ZBTB38: variants seen among roughly 807,000 people sequenced by gnomAD.
The protein encoded by ZBTB38 is zinc finger and BTB domain-containing protein 38.
ZBTB38 carries 20 observed loss-of-function variants against 76.8 expected under a neutral mutation model. The ratio of observed to expected loss-of-function variants is 0.26; its 90% CI spans 0.18 to 0.38. The LOEUF (loss-of-function observed/expected upper bound fraction) is 0.38. ZBTB38 is among the 10% of genes least tolerant of loss of function. The pLI is 1.00. For synonymous variants in ZBTB38, 504 were observed against 544.2 expected (o/e 0.93, Z 1.03); for missense variants, 1,082 against 1,482.3 (o/e 0.73, Z 4.43).
chr3:141,343,696 A>G (rs1943262590), intron 1 of ZBTB38, among the ~76,000 whole-genome samples: 2 of 152,206 alleles, frequency 1.3e-5, no homozygotes, highest in Non-Finnish European at 2.9e-5. Flanking sequence ...CAATATCTTG[A>G]GCAATCTTAA....
chr3:141,439,097 C>T (rs1033861574), intron 5 of ZBTB38, among the ~76,000 whole-genome samples: 1 of 151,574 alleles, frequency 6.6e-6, no homozygotes. Flanking sequence ...ACATTTTATA[C>T]TTATCTCCAG....
rs2080468355 is a variant in ZBTB38, at chr3:141,442,348, C to T, written c.1-41C>T. Reference sequence around the variant, plus strand: ...AATAGTCTAGAGATAAAGAAGCCACCTGTGGAAGATTATCTGACCATTTCT... The same window carrying T: ...AATAGTCTAGAGATAAAGAAGCCACTTGTGGAAGATTATCTGACCATTTCT... On this transcript the variant is annotated intron_variant, in intron 5 of 5. Coordinates refer to ENST00000321464, the MANE Select transcript of ZBTB38 (RefSeq NM_001376113.1). The surrounding 1 kb of genome is among the most constrained non-coding windows in gnomAD (Gnocchi z 6.4). The T allele has an allele frequency of 6.9e-7, 1 of 1,459,698 alleles. No homozygotes were observed. Among genetic ancestry groups the T allele is most frequent in the African/African-American group, 1.4e-5 (1 of 70,448 alleles). 90.4% of individuals were successfully genotyped at this position (1,459,698 alleles called of 1,614,324 possible).
chr3:141,445,009 C>T lies in ZBTB38; in HGVS notation c.2621C>T (p.Pro874Leu), dbSNP rs770126796. The T allele has an allele frequency of 6.8e-6, 11 of 1,613,998 alleles. No individual in the cohort carries two copies. ...CCCAAGTATCAGATGCAGGAGGAGC[C>T]TTTGCCACAGGGGAATGACCCAGAA... The part of the protein sequence containing the change: ...RRPKYQMQEE[P>L]LPQGNDPEPS... The change falls in exon 6 of 6, where the codon CCT (proline) becomes CTT (leucine). Residue 874 changes from proline (P) to leucine (L), a missense_variant. Coordinates refer to ENST00000321464, the MANE Select transcript of ZBTB38 (RefSeq NM_001376113.1). This position sits in a 1 kb window ranked among gnomAD's most constrained non-coding sequence, Gnocchi z 6.5.
rs1446453060 is a variant in ZBTB38, at chr3:141,448,018, C to T, written c.*2042C>T. The T allele has an allele frequency of 6.6e-6, 1 of 152,494 alleles. No homozygotes were observed. The highest frequency in any genetic ancestry group is 1.5e-5 in the Non-Finnish European group (1 of 67,996). 9.4% of individuals were successfully genotyped at this position (152,494 alleles called of 1,614,324 possible). A position where few individuals can be genotyped will look rare whatever the true frequency, so the allele number is the denominator to read the frequency against. On this transcript the variant is annotated 3_prime_UTR_variant, in exon 6 of 6. Transcript: ENST00000321464. ...TAAAGAGATAGTCACAAAGGGCTTA[C>T]GAAAATCATTTTTGAATTGATAATT...
chr3:141,446,039 T>C lies in ZBTB38; in HGVS notation c.*63T>C. ...GTGGTTTTTTTAGTTATGATTTAAG[T>C]TTAGTTTCATTTTGTCCATGTGACA... On this transcript the variant is annotated 3_prime_UTR_variant, in exon 6 of 6. Transcript: ENST00000321464. 1 of 1,400,122 alleles carries C rather than the reference T, an allele frequency of 7.1e-7. No individual in the cohort carries two copies. The highest frequency in any genetic ancestry group is 9.6e-7 in the Non-Finnish European group (1 of 1,046,650). The allele number at this position is 1,400,122 out of a possible 1,614,324, so 86.7% of individuals were successfully genotyped here. A position where few individuals can be genotyped will look rare whatever the true frequency, so the allele number is the denominator to read the frequency against.
chr3:141,437,825 T>C (rs1404198349), intron 5 of ZBTB38, among the ~76,000 whole-genome samples: 1 of 152,174 alleles, frequency 6.6e-6, no homozygotes, highest in Non-Finnish European at 1.5e-5. Flanking sequence ...GGAACCAATG[T>C]CTCAAAGCAC....
rs757184798 is a variant in ZBTB38 at position 141,357,001 on chromosome 3, GTATAA to G, written c.-738-11615_-738-11611del. Among the ~76,000 whole-genome samples the G allele has an allele frequency of 4.5e-4, 68 of 152,194 alleles. 1 individual carries two copies. The highest frequency in any genetic ancestry group is 6.8e-3 in the Middle Eastern group (2 of 294). ...ACCAAATTGCTGTCTTCAAAATTAT[GTATAA>G]TATATGTTATAAATTATATAGAACC... On this transcript the variant is annotated intron_variant, in intron 1 of 7. Coordinates refer to the ZBTB38 transcript ENST00000509842.
intron 1 of ZBTB38, among the ~76,000 whole-genome samples, chr3:141,333,551 A>T (rs1208655140): frequency 1.3e-5 from 2 of 152,096 alleles, no homozygotes; most frequent in East Asian, 3.9e-4. Flanking sequence ...GGTCCACTCC[A>T]TGCCTAATCA....
At chr3:141,340,493 G>C (rs1348386108) in intron 1 of ZBTB38, among the ~76,000 whole-genome samples, 1 of 152,164 alleles carries the variant, frequency 6.6e-6, no homozygotes, top group Non-Finnish European at 1.5e-5. Context: ...TTTCTGAAAA[G>C]AGACTTGTAT....
At chr3:141,372,588 G>A (rs1029363087) in intron 2 of ZBTB38, among the ~76,000 whole-genome samples, 1 of 150,774 alleles carries the variant, frequency 6.6e-6, no homozygotes, top group Admixed American at 6.6e-5. Context: ...GGAGGCAGAG[G>A]TTGCAGTGAA....
chr3:141,420,837 A>T, intron 5 of ZBTB38, among the ~76,000 whole-genome samples: 1 of 152,166 alleles, frequency 6.6e-6, no homozygotes, highest in East Asian at 1.9e-4. Flanking sequence ...GTATTTTAAG[A>T]TAGAATTGAT....
intron 1 of ZBTB38, among the ~76,000 whole-genome samples, chr3:141,338,960 G>A (rs1943095390): frequency 1.3e-5 from 2 of 152,006 alleles, no homozygotes; most frequent in South Asian, 4.2e-4. Flanking sequence ...GGAACATTAA[G>A]TACTATGAAT....
chr3:141,403,351 T>TAGTG (rs1217498051), intron 4 of ZBTB38, among the ~76,000 whole-genome samples: 1 of 152,208 alleles, frequency 6.6e-6, no homozygotes, highest in Non-Finnish European at 1.5e-5. Flanking sequence ...GAGAAGCAGC[T>TAGTG]AGTGAGTCGC....
At chr3:141,410,629 G>A (rs935540469) in intron 5 of ZBTB38, among the ~76,000 whole-genome samples, 1 of 152,210 alleles carries the variant, frequency 6.6e-6, no homozygotes, top group African/African-American at 2.4e-5. Context: ...GACACACGCA[G>A]TAGGACACCG....
intron 5 of ZBTB38, among the ~76,000 whole-genome samples, chr3:141,407,081 C>T (rs1426064510): frequency 6.6e-6 from 1 of 152,216 alleles, no homozygotes; most frequent in East Asian, 1.9e-4. Context: ...ACACTGTATT[C>T]TGTTGTCAGC....
intron 4 of ZBTB38, chr3:141,396,285 A>G (rs567759815): frequency 1.3e-5 from 2 of 152,632 alleles, no homozygotes; most frequent in African/African-American, 2.4e-5. Flanking sequence ...CCTGGAATAG[A>G]TTCCACCTCA....
At chr3:141,389,164 C>T (rs978290151) in intron 4 of ZBTB38, 2 of 152,116 alleles carry the variant, frequency 1.3e-5, no homozygotes, top group African/African-American at 4.8e-5. Context: ...AACCTGAAAC[C>T]TCCCCGAGGT....
chr3:141,398,772 C>A (rs1370373046), intron 4 of ZBTB38, among the ~76,000 whole-genome samples: 1 of 151,992 alleles, frequency 6.6e-6, no homozygotes, highest in African/African-American at 2.4e-5. Context: ...AGAAAAATAA[C>A]CACAGTACTA....
chr3:141,432,362 TTA>T (rs1375761567), intron 5 of ZBTB38: 1 of 841,796 alleles, frequency 1.2e-6, no homozygotes, highest in Non-Finnish European at 1.4e-6. Context: ...TCTGTTGTTA[TTA>T]TGTACGTTAG....
Sources: gnomAD v4.1 joint callset for allele counts (sites outside exome capture counted in the v4.1 genomes callset) on GRCh38, gnomAD v4.1.1 for gene constraint, Gnocchi (gnomAD v3.1) non-coding constraint, MANE v1.5 for transcripts, NCBI Gene and HGNC (gene_info 2026-07-23, HGNC 2026-07-21) for gene names.